Variants in DLGAP1 observed in about 807,000 individuals in gnomAD.
DLGAP1 encodes the protein disks large-associated protein 1.
A neutral mutation model predicts 90.8 loss-of-function variants in DLGAP1; 11 were observed. The ratio of observed to expected loss-of-function variants is 0.12; its 90% CI spans 0.08 to 0.20. The LOEUF is 0.20. Among genes scored for constraint, DLGAP1 ranks in the 10% least tolerant of loss-of-function variants. The probability of loss-of-function intolerance (pLI) is 1.00; values close to 1 mark genes in which losing one functional copy is unlikely to be tolerated. For synonymous variants in DLGAP1, 558 were observed against 540.7 expected (o/e 1.03, Z -0.44); for missense variants, 1,050 against 1,333.8 (o/e 0.79, Z 3.31).
chr18:3,887,091 T>C lies in DLGAP1; in HGVS notation c.-72-6951A>G, dbSNP rs545967869. On this transcript the variant is annotated intron_variant, in intron 3 of 12. Transcript: ENST00000315677. ...TATCTTGTTTCCTTATCTTATCAAG[T>C]AAAGGAAGGGCCTGCGCTGGCCCCA... Among the ~76,000 whole-genome samples, 40 of 152,320 alleles carry C rather than the reference T, an allele frequency of 2.6e-4. No individual in the cohort carries two copies. The South Asian group carries it at 8.3e-3, about 32-fold the overall frequency.
At chr18:3,644,492 C>A (rs1049640345) in intron 7 of DLGAP1, among the ~76,000 whole-genome samples, 1 of 151,922 alleles carries the variant, frequency 6.6e-6, no homozygotes, top group Non-Finnish European at 1.5e-5. Context: ...CTCACTGCAA[C>A]CTCCGCCTCC....
At chr18:3,931,898 G>C (rs16945669) in intron 3 of DLGAP1, among the ~76,000 whole-genome samples, 3,906 of 152,252 alleles carry the variant, frequency 0.026, 70 homozygotes, top group African/African-American at 0.035. Flanking sequence ...CCTTGATGGT[G>C]ACTCATCTCC....
At chr18:3,523,664 G>C (rs370945487) in intron 10 of DLGAP1, among the ~76,000 whole-genome samples, 5 of 151,832 alleles carry the variant, frequency 3.3e-5, no homozygotes, top group African/African-American at 9.7e-5. Flanking sequence ...TGGCTAACAC[G>C]GTGAAACCCC....
chr18:3,906,955 A>G (rs2071921222), intron 3 of DLGAP1, among the ~76,000 whole-genome samples: 1 of 152,232 alleles, frequency 6.6e-6, no homozygotes, highest in Non-Finnish European at 1.5e-5. Flanking sequence ...AAACAACAAT[A>G]CCGTAATAGT....
At chr18:3,869,363 A>G (rs2070600730) in intron 4 of DLGAP1, among the ~76,000 whole-genome samples, 1 of 152,124 alleles carries the variant, frequency 6.6e-6, no homozygotes, top group African/African-American at 2.4e-5. Flanking sequence ...AAAGTTTAAC[A>G]CCATCCTAGG....
At chr18:3,621,665 A>G (rs771526067) in intron 7 of DLGAP1, among the ~76,000 whole-genome samples, 9 of 152,104 alleles carry the variant, frequency 5.9e-5, no homozygotes, top group Non-Finnish European at 1.3e-4. Flanking sequence ...TAAATCTTCC[A>G]CTGCGTGGCT....
At chr18:3,538,413 A>G (rs2052503970) in intron 9 of DLGAP1, among the ~76,000 whole-genome samples, 1 of 151,986 alleles carries the variant, frequency 6.6e-6, no homozygotes, top group Admixed American at 6.6e-5. Context: ...AAAAAATCAC[A>G]TAGTGTGAAA....
intron 2 of DLGAP1, among the ~76,000 whole-genome samples, chr18:4,145,772 G>A (rs955666151): frequency 6.6e-6 from 1 of 152,118 alleles, no homozygotes; most frequent in African/African-American, 2.4e-5. Flanking sequence ...TAAAAATTGA[G>A]ACCATATGAA....
At chr18:4,114,007 A>G (rs565995942) in intron 2 of DLGAP1, among the ~76,000 whole-genome samples, 4 of 132,122 alleles carry the variant, frequency 3.0e-5, no homozygotes, top group Non-Finnish European at 6.4e-5. Context: ...TGTTTTAATT[A>G]TTGTAGCCTT....
intron 1 of DLGAP1, among the ~76,000 whole-genome samples, chr18:4,440,501 C>T (rs1190728513): frequency 6.6e-6 from 1 of 152,142 alleles, no homozygotes; most frequent in Non-Finnish European, 1.5e-5. Flanking sequence ...ATTACTTTTA[C>T]TAGTATCTGT....
chr18:3,504,382 CTGTT>C (rs573813985), intron 11 of DLGAP1, among the ~76,000 whole-genome samples: 70 of 152,032 alleles, frequency 4.6e-4, no homozygotes, highest in African/African-American at 1.5e-3. Flanking sequence ...ATAGATATAT[CTGTT>C]TATTTATTTA....
chr18:4,149,120 T>C (rs1032446903), intron 2 of DLGAP1, among the ~76,000 whole-genome samples: 1 of 152,194 alleles, frequency 6.6e-6, no homozygotes. Context: ...AATGAAACAA[T>C]ATAAAGCGAG....
At chr18:3,982,653 C>T (rs1355395140) in intron 3 of DLGAP1, among the ~76,000 whole-genome samples, 1 of 152,078 alleles carries the variant, frequency 6.6e-6, no homozygotes, top group Non-Finnish European at 1.5e-5. Flanking sequence ...GACATTCATT[C>T]CATTTATAGC....
intron 5 of DLGAP1, chr18:3,771,259 TTCTTC>T (rs1166091515): frequency 6.6e-6 from 1 of 152,314 alleles, no homozygotes; most frequent in Non-Finnish European, 1.5e-5. Flanking sequence ...TCCGCTCTTG[TTCTTC>T]TCTCTTCTAA....
chr18:3,881,799 G>A (rs189766844), intron 3 of DLGAP1, among the ~76,000 whole-genome samples: 41 of 152,268 alleles, frequency 2.7e-4, no homozygotes, highest in African/African-American at 9.9e-4. Context: ...TGTAGTCCCA[G>A]CTACTCGGGA....
At position 4,141,029 on chromosome 18, in the gene DLGAP1, C is replaced by G. The variant is rs548859363; in HGVS notation, c.-159+10151G>C. ...TGAGGTAGTCTTCTTTGGATTAAAT[C>G]TGCTTGGTGTTCTATATGCTTCTTG... On this transcript the variant is annotated intron_variant, in intron 2 of 12. Coordinates refer to ENST00000315677, the MANE Select transcript of DLGAP1 (RefSeq NM_004746.4). Among the ~76,000 whole-genome samples, 5 of 152,048 alleles carry G rather than the reference C, an allele frequency of 3.3e-5. No individual in the cohort carries two copies. The East Asian group carries it at 5.8e-4, about 18-fold the overall frequency.
chr18:4,221,709 AT>A (rs1043905824), intron 1 of DLGAP1, among the ~76,000 whole-genome samples: 1 of 152,066 alleles, frequency 6.6e-6, no homozygotes, highest in African/African-American at 2.4e-5. Flanking sequence ...TTTTAAAGGT[AT>A]TTTTTACTGC....
At chr18:3,855,623 A>G (rs141478777) in intron 4 of DLGAP1, among the ~76,000 whole-genome samples, 2 of 152,142 alleles carry the variant, frequency 1.3e-5, no homozygotes, top group African/African-American at 2.4e-5. Context: ...TAATTAATTT[A>G]TTTATTTTGA....
chr18:3,667,058 TG>T (rs1301699052), intron 7 of DLGAP1, among the ~76,000 whole-genome samples: 1 of 152,016 alleles, frequency 6.6e-6, no homozygotes. Flanking sequence ...CCTGAGCCAC[TG>T]TGCCCGGTTG....
Sources: allele counts gnomAD v4.1 joint callset (sites outside exome capture counted in the v4.1 genomes callset), GRCh38; gene constraint gnomAD v4.1.1; transcripts MANE v1.5; gene names NCBI Gene and HGNC (gene_info 2026-07-23, HGNC 2026-07-21).